MAP3K5: variants seen among roughly 807,000 people sequenced by gnomAD.
MAP3K5 encodes the protein mitogen-activated protein kinase kinase kinase 5, also known as ASK-1.
A neutral mutation model predicts 158.7 loss-of-function variants in MAP3K5; 56 were observed. That is an observed-to-expected ratio of 0.35 (90% CI 0.28 to 0.44). MAP3K5 has a LOEUF of 0.44. Ranked by LOEUF, MAP3K5 falls within the 20% of genes least tolerant of loss-of-function variation. The probability of loss-of-function intolerance (pLI) is 1.00; values close to 1 mark genes in which losing one functional copy is unlikely to be tolerated. For synonymous variants in MAP3K5, 579 were observed against 601.7 expected (o/e 0.96, Z 0.55); for missense variants, 1,294 against 1,674.8 (o/e 0.77, Z 3.97).
At position 136,679,378 on chromosome 6, in the gene MAP3K5, A is replaced by G. The variant is rs536973456; in HGVS notation, c.1254-9983T>C. ...TTCTTGCTATTTTTCCTTGTTTGTG[A>G]TATAACAGTTGTGATTCTTTCTATG... On this transcript the variant is annotated intron_variant, in intron 7 of 29. Coordinates refer to ENST00000359015, the MANE Select transcript of MAP3K5 (RefSeq NM_005923.4). Among the ~76,000 whole-genome samples the G allele has an allele frequency of 1.4e-4, 21 of 152,326 alleles. No homozygotes were observed. In the East Asian group the frequency reaches 4.0e-3, roughly 29 times the overall value.
At chr6:136,676,756 AT>A (rs1239912831) in intron 7 of MAP3K5, among the ~76,000 whole-genome samples, 1 of 143,866 alleles carries the variant, frequency 7.0e-6, no homozygotes, top group East Asian at 2.0e-4. Context: ...TAACTTTCAT[AT>A]GTATTTTATC....
At chr6:136,725,613 A>T (rs9373173) in intron 1 of MAP3K5, among the ~76,000 whole-genome samples, 1 of 151,980 alleles carries the variant, frequency 6.6e-6, no homozygotes, top group Non-Finnish European at 1.5e-5. Context: ...TTCCTCTGTC[A>T]GATATGCAAT....
At chr6:136,771,876 A>C (rs1784212871) in intron 1 of MAP3K5, among the ~76,000 whole-genome samples, 1 of 152,122 alleles carries the variant, frequency 6.6e-6, no homozygotes, top group Non-Finnish European at 1.5e-5. Context: ...TGATTTTCAA[A>C]ATAGGTTTTC....
chr6:136,573,559 G>A (rs952208944), intron 25 of MAP3K5, among the ~76,000 whole-genome samples: 5 of 152,206 alleles, frequency 3.3e-5, no homozygotes, highest in Admixed American at 6.5e-5. Context: ...TACATTTGCA[G>A]TGACTGAATC....
At chr6:136,592,824 C>A in intron 21 of MAP3K5, 1 of 623,572 alleles carries the variant, frequency 1.6e-6, no homozygotes, top group Non-Finnish European at 3.0e-6. Context: ...AAGGGCCTCC[C>A]AGGCCCTGGG....
chr6:136,712,140 T>C (rs548644487), intron 2 of MAP3K5, among the ~76,000 whole-genome samples: 9 of 152,028 alleles, frequency 5.9e-5, no homozygotes, highest in Admixed American at 2.6e-4. Flanking sequence ...GGAATGCTGA[T>C]GAATGACATT....
At chr6:136,751,469 G>A (rs1481618217) in intron 1 of MAP3K5, among the ~76,000 whole-genome samples, 1 of 152,122 alleles carries the variant, frequency 6.6e-6, no homozygotes, top group Non-Finnish European at 1.5e-5. Context: ...ACTGATAAAG[G>A]CCTGCTTATT....
intron 21 of MAP3K5, among the ~76,000 whole-genome samples, chr6:136,595,098 C>A (rs1421094415): frequency 6.6e-6 from 1 of 152,114 alleles, no homozygotes; most frequent in South Asian, 2.1e-4. Flanking sequence ...ATGTGCAGAG[C>A]CCTGATTCCC....
At chr6:136,637,024 G>A (rs763045030) in intron 14 of MAP3K5, 182 of 1,157,546 alleles carry the variant, frequency 1.6e-4, no homozygotes, top group Non-Finnish European at 1.8e-4. Context: ...ATATCTCAGA[G>A]GAGAATAGAG....
chr6:136,715,305 C>T lies in MAP3K5; in HGVS notation c.588+5145G>A, dbSNP rs192746684. On this transcript the variant is annotated intron_variant, in intron 2 of 29. Transcript: ENST00000359015. ...GATTCCAGTGTCCAAAATGCATATA[C>T]GTTATCCTGGTGGATACAAAAAATA... Among the ~76,000 whole-genome samples, 17 of 152,246 alleles carry T rather than the reference C, an allele frequency of 1.1e-4. No individual in the cohort carries two copies. The East Asian group carries it at 2.3e-3, about 21-fold the overall frequency.
At chr6:136,591,973 G>GA (rs1203206077) in intron 23 of MAP3K5, among the ~76,000 whole-genome samples, 200 bp downstream of exon 23, 1 of 152,102 alleles carries the variant, frequency 6.6e-6, no homozygotes, top group Non-Finnish European at 1.5e-5. Flanking sequence ...AAAATGCAAT[G>GA]AAAAAATCAT....
intron 18 of MAP3K5, among the ~76,000 whole-genome samples, chr6:136,608,242 G>A (rs768839154): frequency 7.9e-5 from 12 of 151,980 alleles, no homozygotes; most frequent in Non-Finnish European, 1.3e-4. Context: ...CCCCCACTAT[G>A]AGGGTTCTGA....
chr6:136,731,074 C>A (rs1341314865), intron 1 of MAP3K5, among the ~76,000 whole-genome samples: 1 of 152,124 alleles, frequency 6.6e-6, no homozygotes, highest in Non-Finnish European at 1.5e-5. Flanking sequence ...GGACTAGGCA[C>A]CGTGTGATTC....
At chr6:136,641,171 G>A (rs569929579) in intron 12 of MAP3K5, among the ~76,000 whole-genome samples, 2 of 152,208 alleles carry the variant, frequency 1.3e-5, no homozygotes, top group Non-Finnish European at 2.9e-5. Flanking sequence ...AGAAAGTATC[G>A]ACTGAAAGAT....
chr6:136,741,826 T>C (rs1328370298), intron 1 of MAP3K5, among the ~76,000 whole-genome samples: 2 of 152,140 alleles, frequency 1.3e-5, no homozygotes, highest in African/African-American at 2.4e-5. Flanking sequence ...TATGCAAAAG[T>C]AAATTGCTTT....
intron 1 of MAP3K5, among the ~76,000 whole-genome samples, chr6:136,737,198 A>G (rs988384583): frequency 2.7e-5 from 4 of 147,128 alleles, no homozygotes; most frequent in Non-Finnish European, 6.0e-5. Context: ...TTAAGTACAC[A>G]TGGACATAAA....
At chr6:136,718,592 C>T (rs1218509365) in intron 2 of MAP3K5, among the ~76,000 whole-genome samples, 1 of 152,166 alleles carries the variant, frequency 6.6e-6, no homozygotes, top group African/African-American at 2.4e-5. Context: ...TAAATGAGCA[C>T]AGTTTAGACA....
chr6:136,651,305 C>T (rs1226260610), intron 10 of MAP3K5, among the ~76,000 whole-genome samples: 1 of 152,172 alleles, frequency 6.6e-6, no homozygotes, highest in Non-Finnish European at 1.5e-5. Flanking sequence ...TTCAATAATG[C>T]ATCACCTTGT....
At position 136,726,594 on chromosome 6, in the gene MAP3K5, A is replaced by G. The variant is rs142774652; in HGVS notation, c.449-6005T>C. 9.4e-3 allele frequency among the ~76,000 whole-genome samples: 1,416 copies of G among 150,536 alleles called. 14 individuals are homozygous for G. The highest frequency in any genetic ancestry group is 0.014 in the Middle Eastern group (4 of 288). ...GGTGACAGAGCAAGACTCTGCCTCA[A>G]AAAAAAAAAGAATACGGAATATCTC... is the stretch of plus-strand genomic sequence containing the variant. On this transcript the variant is annotated intron_variant, in intron 1 of 29. Transcript: ENST00000359015.
Sources: allele counts gnomAD v4.1 joint callset (sites outside exome capture counted in the v4.1 genomes callset), GRCh38; gene constraint gnomAD v4.1.1; transcripts MANE v1.5; gene names NCBI Gene and HGNC (gene_info 2026-07-23, HGNC 2026-07-21).